VPS35L: variants seen among roughly 807,000 people sequenced by gnomAD.
VPS35L encodes the protein VPS35 endosomal protein-sorting factor-like.
A neutral mutation model predicts 133.0 loss-of-function variants in VPS35L; 83 were observed. That is an observed-to-expected ratio of 0.62 (90% CI 0.52 to 0.75). The LOEUF is 0.75. Among genes scored for constraint, VPS35L ranks in the 30% least tolerant of loss-of-function variants. The pLI is 0.00. For missense variants in VPS35L, 1,083 were observed against 1,206.8 expected (o/e 0.90, Z 1.52); for synonymous variants, 423 against 449.9 (o/e 0.94, Z 0.76).
intron 2 of VPS35L, among the ~76,000 whole-genome samples, chr16:19,568,132 T>A (rs1971245047): frequency 6.6e-6 from 1 of 152,196 alleles, no homozygotes; most frequent in South Asian, 2.1e-4. Flanking sequence ...TAGTATTTAC[T>A]TGTACTTAAC....
At chr16:19,593,685 G>A (rs1972112523) in intron 8 of VPS35L, among the ~76,000 whole-genome samples, 1 of 151,812 alleles carries the variant, frequency 6.6e-6, no homozygotes. Context: ...GGGAGGCCGA[G>A]GTGGGTGGAT....
At chr16:19,608,741 C>T (rs1972615377) in intron 10 of VPS35L, 1 of 503,380 alleles carries the variant, frequency 2.0e-6, no homozygotes, top group Non-Finnish European at 3.5e-6. Context: ...TATATTTCAG[C>T]ATGCAACTAT....
chr16:19,692,711 C>T (rs768077677), intron 29 of VPS35L, among the ~76,000 whole-genome samples: 6 of 151,972 alleles, frequency 3.9e-5, no homozygotes, highest in Admixed American at 1.3e-4. Flanking sequence ...TTCAGGTGCC[C>T]GCCACCACAC....
At chr16:19,586,520 A>G (rs972544056) in intron 7 of VPS35L, among the ~76,000 whole-genome samples, 2 of 151,756 alleles carry the variant, frequency 1.3e-5, no homozygotes, top group African/African-American at 4.8e-5. Flanking sequence ...TTGTATTTTT[A>G]GTAGAGATGG....
At position 19,591,879 on chromosome 16, in the gene VPS35L, G is replaced by T; in HGVS notation, c.724+5G>T. On this transcript the variant is annotated splice_donor_5th_base_variant and intron_variant, in intron 8 of 30. Transcript: ENST00000417362. ...CCGACATACTTGATACATTTGGTAA[G>T]TACCTGTCATATGCATCTTAGATCT... 6.3e-7 allele frequency: 1 copy of T among 1,587,670 alleles called. No homozygotes were observed. Among genetic ancestry groups the T allele is most frequent in the Non-Finnish European group, 8.6e-7 (1 of 1,156,164 alleles).
At chr16:19,585,546 TG>T (rs1409496667) in intron 7 of VPS35L, among the ~76,000 whole-genome samples, 1 of 151,616 alleles carries the variant, frequency 6.6e-6, no homozygotes, top group African/African-American at 2.4e-5. Flanking sequence ...GGACTACAAT[TG>T]GCCACAACCA....
intron 16 of VPS35L, among the ~76,000 whole-genome samples, chr16:19,628,162 C>T (rs764243545): frequency 2.6e-5 from 4 of 152,110 alleles, no homozygotes; most frequent in South Asian, 4.2e-4. Context: ...GCCAGGAGTT[C>T]GAGACCAGCC....
intron 26 of VPS35L, among the ~76,000 whole-genome samples, chr16:19,660,197 C>A (rs756122836): frequency 6.6e-6 from 1 of 151,782 alleles, no homozygotes; most frequent in East Asian, 1.9e-4. Flanking sequence ...TGGTGGTGTG[C>A]GCCTGTAGTC....
Position 19,616,171 on chromosome 16 carries a change from T to G in VPS35L, c.1081T>G (p.Phe361Val), listed in dbSNP as rs143222408. The stretch of plus-strand genomic sequence containing the variant: ...AACCCTAAATAAGAACTTTTTTGAC[T>G]TCCTCCTTACGTTCAAACAGGTAAG... ...KETLNKNFFD[F>V]LLTFKQIHGD... Residue 361 changes from phenylalanine to valine, a missense_variant, in exon 13 of 31, where the codon TTC (phenylalanine) becomes GTC (valine). Transcript: ENST00000417362. 1.9e-6 allele frequency: 3 copies of G among 1,612,656 alleles called. No homozygotes were observed. The South Asian group carries it at 3.3e-5, about 18-fold the overall frequency.
chr16:19,620,928 G>A (rs1014196299), intron 14 of VPS35L, among the ~76,000 whole-genome samples: 1 of 152,028 alleles, frequency 6.6e-6, no homozygotes, highest in Non-Finnish European at 1.5e-5. Context: ...TCCAGCCTGG[G>A]CGACAGAGCA....
At chr16:19,597,892 A>T (rs1026455759) in intron 8 of VPS35L, among the ~76,000 whole-genome samples, 19 of 152,190 alleles carry the variant, frequency 1.2e-4, no homozygotes, top group African/African-American at 4.6e-4. Flanking sequence ...CTAAAAGAAG[A>T]TGCATGACAG....
intron 27 of VPS35L, among the ~76,000 whole-genome samples, chr16:19,672,131 T>C (rs972715067): frequency 7.2e-5 from 11 of 152,082 alleles, no homozygotes; most frequent in African/African-American, 2.7e-4. Flanking sequence ...TTTTTAATGT[T>C]TTATAGAGGT....
In VPS35L at chr16:19,639,991, A is replaced by G; in HGVS notation, c.1699-24A>G. On this transcript the variant is annotated intron_variant, in intron 20 of 30. Transcript: ENST00000417362. This position sits in a 1 kb window ranked among gnomAD's most constrained non-coding sequence, Gnocchi z 4.1. ...TTCCAATAACTTGTGTCATTTGCAT[A>G]TAGAGTGCTTGCTTTATTTATAGGA... 1.3e-6 allele frequency: 2 copies of G among 1,590,580 alleles called. No individual in the cohort carries two copies. Among genetic ancestry groups the G allele is most frequent in the South Asian group, 1.1e-5 (1 of 90,482 alleles).
At chr16:19,674,932 T>C (rs1370085803) in intron 27 of VPS35L, among the ~76,000 whole-genome samples, 1 of 151,726 alleles carries the variant, frequency 6.6e-6, no homozygotes, top group Non-Finnish European at 1.5e-5. Flanking sequence ...TGCATGTGTA[T>C]AATGTTTTCT....
chr16:19,623,743 AT>A (rs1973157851), intron 14 of VPS35L, among the ~76,000 whole-genome samples: 1 of 141,732 alleles, frequency 7.1e-6, no homozygotes, highest in Non-Finnish European at 1.5e-5. Flanking sequence ...TTTTTTCTTT[AT>A]TTTTTACTTT....
intron 4 of VPS35L, 62 bp from the exon 5 acceptor site, chr16:19,575,036 G>C: frequency 1.4e-6 from 2 of 1,409,306 alleles, no homozygotes; most frequent in South Asian, 2.6e-5. Flanking sequence ...TGGCTCTGTT[G>C]GAAAACAATG....
At chr16:19,675,648 C>T (rs1296481122) in intron 27 of VPS35L, among the ~76,000 whole-genome samples, 2 of 152,118 alleles carry the variant, frequency 1.3e-5, no homozygotes, top group Non-Finnish European at 2.9e-5. Flanking sequence ...CTCTCCAGTT[C>T]AAGTGATTTT....
intron 19 of VPS35L, among the ~76,000 whole-genome samples, chr16:19,634,365 A>C (rs1165898064): frequency 1.4e-5 from 2 of 147,652 alleles, no homozygotes; most frequent in Non-Finnish European, 3.0e-5. Context: ...TTACCCTTGG[A>C]GGCTGAAGTT....
intron 13 of VPS35L, 111 bp downstream of exon 13, chr16:19,616,302 G>T: frequency 1.1e-6 from 1 of 875,954 alleles, no homozygotes; most frequent in South Asian, 1.6e-5. Flanking sequence ...CTTTAAATGT[G>T]CAAGCCCTGG....
Sources: allele counts gnomAD v4.1 joint callset (sites outside exome capture counted in the v4.1 genomes callset), GRCh38; gene constraint gnomAD v4.1.1; non-coding constraint Gnocchi (gnomAD v3.1); transcripts MANE v1.5; gene names NCBI Gene and HGNC (gene_info 2026-07-23, HGNC 2026-07-21).